Variants in PRKN observed in about 807,000 individuals in gnomAD.
PRKN encodes the protein parkin RBR E3 ubiquitin protein ligase.
In PRKN, 56 loss-of-function variants were observed where a neutral mutation model predicts 59.5. The ratio of observed to expected loss-of-function variants is 0.94; its 90% confidence interval spans 0.76 to 1.18. PRKN has a LOEUF of 1.18. Ranked by LOEUF, PRKN falls within the 50% of genes most tolerant of loss-of-function variation. The pLI, the probability that PRKN is intolerant of heterozygous loss-of-function variation, is 0.00. For missense variants in PRKN, 657 were observed against 596.4 expected, an observed-to-expected ratio of 1.10 and a Z score of -1.06; for synonymous variants, 250 against 222.1, an observed-to-expected ratio of 1.13 and a Z score of -1.12.
intron 10 of PRKN, among the ~76,000 whole-genome samples, chr6:161,365,192 A>G (rs911500170): frequency 2.6e-5 from 4 of 152,222 alleles, no homozygotes; most frequent in Admixed American, 6.5e-5. Context: ...GAAATGTAGA[A>G]TGTAATAGAA....
At chr6:161,979,944 C>G (rs898938175) in intron 5 of PRKN, among the ~76,000 whole-genome samples, 3 of 152,154 alleles carry the variant, frequency 2.0e-5, no homozygotes, top group Non-Finnish European at 2.9e-5. Context: ...CCAGCAAAAT[C>G]TGAAAATTAG....
chr6:162,404,228 G>C (rs895378284), intron 2 of PRKN, among the ~76,000 whole-genome samples: 2 of 151,790 alleles, frequency 1.3e-5, no homozygotes, highest in African/African-American at 4.8e-5. Flanking sequence ...AAAATTAGCC[G>C]ATGTGGTGGC....
rs541022914 is a variant in PRKN, at chr6:162,673,689, A to AT, written c.7+53972dup. On this transcript the variant is annotated intron_variant, in intron 1 of 11. Transcript: ENST00000366898. ...GCGTGAGCCAACACGCCCAGCCTAG[A>AT]TTTTTTTTAAATGTAAATCAAAGTA... 9.9e-5 allele frequency among the ~76,000 whole-genome samples: 15 copies of AT among 152,170 alleles called. No individual in the cohort carries two copies. In the East Asian group the frequency reaches 2.1e-3, roughly 22 times the overall value.
intron 1 of PRKN, among the ~76,000 whole-genome samples, chr6:162,530,594 C>T (rs1012101026): frequency 2.6e-5 from 4 of 152,116 alleles, no homozygotes; most frequent in African/African-American, 7.2e-5. Flanking sequence ...AGCAGAAATA[C>T]ATCTACCACT....
At chr6:162,279,961 T>A (rs979620566) in intron 2 of PRKN, among the ~76,000 whole-genome samples, 1 of 152,218 alleles carries the variant, frequency 6.6e-6, no homozygotes, top group Non-Finnish European at 1.5e-5. Context: ...TTTGTTGGTT[T>A]AATGTCTGTT....
At chr6:161,845,327 C>T (rs1793156639) in intron 6 of PRKN, among the ~76,000 whole-genome samples, 1 of 152,136 alleles carries the variant, frequency 6.6e-6, no homozygotes, top group Non-Finnish European at 1.5e-5. Flanking sequence ...AATATCATCA[C>T]TGTCTTCACG....
chr6:162,235,930 G>A (rs796781539), intron 3 of PRKN, among the ~76,000 whole-genome samples: 2 of 76,986 alleles, frequency 2.6e-5, no homozygotes, highest in East Asian at 9.0e-4. Flanking sequence ...AGGAAGGAAG[G>A]AAGGAAGGAA....
At chr6:161,638,431 G>A (rs780780998) in intron 7 of PRKN, among the ~76,000 whole-genome samples, 6 of 152,150 alleles carry the variant, frequency 3.9e-5, no homozygotes, top group East Asian at 3.9e-4. Context: ...CATCGTGTCC[G>A]GCCACACTGC....
rs1231859626 is a variant in PRKN at position 162,684,714 on chromosome 6, A to G, written c.7+42948T>C. 8.5e-5 allele frequency among the ~76,000 whole-genome samples: 13 copies of G among 152,296 alleles called. No individual in the cohort carries two copies. The East Asian group carries it at 2.3e-3, about 27-fold the overall frequency. ...TTAGGACACAAGGAGCAGGTTACTTATTTTAAATCTGTTCACTGTTAGTGA... is the reference window on the plus strand; with the variant it reads ...TTAGGACACAAGGAGCAGGTTACTTGTTTTAAATCTGTTCACTGTTAGTGA... On this transcript the variant is annotated intron_variant, in intron 1 of 11. Coordinates refer to ENST00000366898, the MANE Select transcript of PRKN (RefSeq NM_004562.3).
intron 6 of PRKN, among the ~76,000 whole-genome samples, chr6:161,868,407 C>T (rs1160733596): frequency 6.6e-6 from 1 of 151,848 alleles, no homozygotes; most frequent in Admixed American, 6.6e-5. Flanking sequence ...GGCAAAACCC[C>T]GTCTCTACTA....
intron 4 of PRKN, among the ~76,000 whole-genome samples, chr6:162,144,212 A>G (rs1384079813): frequency 6.6e-6 from 1 of 152,164 alleles, no homozygotes; most frequent in Non-Finnish European, 1.5e-5. Context: ...AGAGAACTTT[A>G]AAGGCAACCT....
At chr6:162,521,946 G>T (rs1052780965) in intron 1 of PRKN, among the ~76,000 whole-genome samples, 1 of 152,056 alleles carries the variant, frequency 6.6e-6, no homozygotes, top group African/African-American at 2.4e-5. Context: ...ATCATAGGAG[G>T]TTTGACGCAA....
chr6:162,220,181 A>G (rs1392731629), intron 3 of PRKN, among the ~76,000 whole-genome samples: 3 of 152,178 alleles, frequency 2.0e-5, no homozygotes, highest in African/African-American at 7.2e-5. Flanking sequence ...AAATCAACTC[A>G]AGATGGATTA....
chr6:161,737,334 G>A (rs983666646), intron 7 of PRKN, among the ~76,000 whole-genome samples: 4 of 152,178 alleles, frequency 2.6e-5, no homozygotes, highest in African/African-American at 9.7e-5. Flanking sequence ...GACAGCGGGC[G>A]CCCTTGCGAA....
chr6:162,450,932 T>C (rs769359090), intron 1 of PRKN, among the ~76,000 whole-genome samples: 8 of 152,314 alleles, frequency 5.3e-5, no homozygotes, highest in South Asian at 4.1e-4. Context: ...ATGTAAGAAG[T>C]TTAAAATAGG....
chr6:162,385,131 T>C (rs1372192169), intron 2 of PRKN, among the ~76,000 whole-genome samples: 1 of 152,104 alleles, frequency 6.6e-6, no homozygotes, highest in African/African-American at 2.4e-5. Flanking sequence ...GAAAATACCA[T>C]CAAGATACTT....
intron 4 of PRKN, among the ~76,000 whole-genome samples, chr6:162,060,695 CTAAA>C (rs1778066450): frequency 6.6e-6 from 1 of 152,132 alleles, no homozygotes; most frequent in Non-Finnish European, 1.5e-5. Flanking sequence ...CTTGAGTTAT[CTAAA>C]TAAATGCTAT....
chr6:162,166,139 T>C lies in PRKN; in HGVS notation c.534+34992A>G, dbSNP rs916332809. Among the ~76,000 whole-genome samples, 61 of 151,812 alleles carry C rather than the reference T, an allele frequency of 4.0e-4. 1 individual carries two copies. Among genetic ancestry groups the C allele is most frequent in the African/African-American group, 1.4e-3 (58 of 41,330 alleles). ...TGTTTACCTTGTTGTATAAATGCTC[T>C]ATTCAAGAGAGTCAAAACCTGGAGA... is the stretch of plus-strand genomic sequence containing the variant. On this transcript the variant is annotated intron_variant, in intron 4 of 11. Transcript: ENST00000366898.
chr6:161,687,899 A>C (rs919546517), intron 7 of PRKN, among the ~76,000 whole-genome samples: 47 of 152,208 alleles, frequency 3.1e-4, no homozygotes, highest in African/African-American at 1.1e-3. Context: ...AGAATGTTAA[A>C]GGTAAAATTG....
Sources: gnomAD v4.1 joint callset for allele counts (sites outside exome capture counted in the v4.1 genomes callset) on GRCh38, gnomAD v4.1.1 for gene constraint, MANE v1.5 for transcripts, NCBI Gene and HGNC (gene_info 2026-07-23, HGNC 2026-07-21) for gene names.